The following MAMLD1 variants were observed in gnomAD, a reference collection of about 807,000 sequenced individuals.
The protein encoded by MAMLD1 is mastermind like domain containing 1, also known as mastermind-like domain-containing protein 1.
Under a neutral mutation model 45.0 loss-of-function variants are expected in MAMLD1, and 14 were observed. The ratio of observed to expected loss-of-function variants is 0.31; its 90% CI spans 0.21 to 0.49. The LOEUF (loss-of-function observed/expected upper bound fraction) is 0.49. MAMLD1 is among the 20% of genes least tolerant of loss of function. MAMLD1 has a pLI of 0.99. For missense variants in MAMLD1, 543 were observed against 603.6 expected (o/e 0.90, Z 1.05); for synonymous variants, 254 against 247.8 (o/e 1.02, Z -0.24).
At chrX:150,417,580 T>G (rs113551729) in intron 1 of MAMLD1, among the ~76,000 whole-genome samples, 16 of 109,548 alleles carry the variant, frequency 1.5e-4, no homozygotes, top group South Asian at 4.0e-4. Flanking sequence ...CTGAGGAATC[T>G]CCACACTGAC....
At chrX:150,402,025 T>C (rs2033792154) in intron 1 of MAMLD1, among the ~76,000 whole-genome samples, 1 of 111,721 alleles carries the variant, frequency 9.0e-6, no homozygotes, top group African/African-American at 3.3e-5. Context: ...GGACTTCATG[T>C]CTAAAACACC....
chrX:150,404,108 C>A (rs1173867478), intron 1 of MAMLD1, among the ~76,000 whole-genome samples: 4 of 103,894 alleles, frequency 3.9e-5, no homozygotes, highest in African/African-American at 1.4e-4. Context: ...GGCAGATCAG[C>A]CCTTCTGAGA....
chrX:150,431,268 AT>A (rs1557404047), intron 1 of MAMLD1, among the ~76,000 whole-genome samples: 1 of 111,443 alleles, frequency 9.0e-6, no homozygotes, highest in African/African-American at 3.3e-5. Context: ...TAATTTTTAT[AT>A]GTTGATCTTG....
intron 1 of MAMLD1, among the ~76,000 whole-genome samples, chrX:150,434,876 G>A (rs1224839068): frequency 2.7e-5 from 3 of 111,613 alleles, no homozygotes; most frequent in African/African-American, 9.8e-5. Context: ...TGAGAGGAAT[G>A]TATATTATGT....
At chrX:150,431,654 G>A (rs1454108053) in intron 1 of MAMLD1, among the ~76,000 whole-genome samples, 1 of 110,742 alleles carries the variant, frequency 9.0e-6, no homozygotes, top group Non-Finnish European at 1.9e-5. Context: ...ACTTGTAAGT[G>A]AGAACATGCA....
rs1491545544 is a variant in MAMLD1 at position 150,481,973 on chromosome X, A to AAAGAAAG, written c.2040+8174_2040+8180dup. Among the ~76,000 whole-genome samples, 3 of 60,737 alleles carry AAAGAAAG rather than the reference A, an allele frequency of 4.9e-5. No homozygotes were observed. In the East Asian group the frequency reaches 1.4e-3, roughly 29 times the overall value. The allele number at this position is 60,737 out of a possible 115,157, so 52.7% of individuals were successfully genotyped here. The stretch of plus-strand genomic sequence containing the variant: ...AGAAAGAAAGAAAGAAAAAAGAAAG[A>AAAGAAAG]AAGAAAGAAAGAAAGAAAGAAAGAA... On this transcript the variant is annotated intron_variant, in intron 5 of 7. Transcript: ENST00000370401.
At chrX:150,409,152 A>G (rs1349359793) in intron 1 of MAMLD1, among the ~76,000 whole-genome samples, 1 of 111,465 alleles carries the variant, frequency 9.0e-6, no homozygotes, top group Non-Finnish European at 1.9e-5. Flanking sequence ...GCCCAATGCT[A>G]TCCCCACGAG....
chrX:150,472,114 G>A (rs1557406602), intron 4 of MAMLD1, among the ~76,000 whole-genome samples: 2 of 112,013 alleles, frequency 1.8e-5, no homozygotes, highest in Admixed American at 1.9e-4. Flanking sequence ...GACAGAGCAG[G>A]AACTTGAAGC....
intron 5 of MAMLD1, among the ~76,000 whole-genome samples, chrX:150,497,437 C>A (rs1170962777): frequency 4.6e-5 from 5 of 109,047 alleles, no homozygotes; most frequent in Non-Finnish European, 7.6e-5. Flanking sequence ...GCACGCACCA[C>A]CATGCCCGGC....
At chrX:150,422,808 G>A (rs2034564274) in intron 1 of MAMLD1, among the ~76,000 whole-genome samples, 1 of 111,907 alleles carries the variant, frequency 8.9e-6, no homozygotes, top group Non-Finnish European at 1.9e-5. Flanking sequence ...AACAAAAAGG[G>A]ATTGCTGTCC....
At chrX:150,403,821 G>A (rs782679975) in intron 1 of MAMLD1, among the ~76,000 whole-genome samples, 144 of 94,402 alleles carry the variant, frequency 1.5e-3, no homozygotes, top group Middle Eastern at 0.01. Flanking sequence ...AAGGAAGAAA[G>A]AAAGAAAGAG....
chrX:150,393,399 A>G (rs1298707727), intron 1 of MAMLD1, among the ~76,000 whole-genome samples: 2 of 112,658 alleles, frequency 1.8e-5, no homozygotes, highest in African/African-American at 6.4e-5. Context: ...TAAAGCTACT[A>G]TAAATATCCA....
upstream of MAMLD1, among the ~76,000 whole-genome samples, chrX:150,363,130 C>A (rs1442886050): frequency 1.8e-5 from 2 of 112,897 alleles, no homozygotes; most frequent in South Asian, 7.2e-4. Context: ...GGCAGGGCAG[C>A]GCGGCTTCCC....
intron 1 of MAMLD1, among the ~76,000 whole-genome samples, chrX:150,394,304 G>A (rs1260316874): frequency 7.3e-5 from 8 of 108,858 alleles, no homozygotes; most frequent in Non-Finnish European, 1.5e-4. Context: ...TGATCTATTT[G>A]TATATTCTTT....
At chrX:150,453,003 G>C (rs1004138145) in intron 2 of MAMLD1, among the ~76,000 whole-genome samples, 1 of 110,860 alleles carries the variant, frequency 9.0e-6, no homozygotes, top group Non-Finnish European at 1.9e-5. Context: ...TCACTTGCAC[G>C]GTTTAGAAAT....
intron 2 of MAMLD1, among the ~76,000 whole-genome samples, chrX:150,455,489 GA>G (rs1422013891): frequency 2.1e-4 from 23 of 110,656 alleles, no homozygotes; most frequent in African/African-American, 7.3e-4. Flanking sequence ...AGTAGAAGGA[GA>G]GATCATATTT....
At chrX:150,451,705 G>A (rs2035671229) in intron 2 of MAMLD1, among the ~76,000 whole-genome samples, 1 of 109,695 alleles carries the variant, frequency 9.1e-6, no homozygotes, top group African/African-American at 3.3e-5. Flanking sequence ...CTTCCTTCCT[G>A]CCTTTCCCTT....
chrX:150,513,469 A>C lies in MAMLD1; in HGVS notation c.*1510A>C. On this transcript the variant is annotated 3_prime_UTR_variant, in exon 8 of 8. Transcript: ENST00000370401. ...AGGTGGCTGAGTCGCTTATGGTTTT[A>C]ATGCAATGAGCAATGTGGATATGAC... is the stretch of plus-strand genomic sequence containing the variant. The C allele has an allele frequency of 7.4e-6, 2 of 270,760 alleles. No individual in the cohort carries two copies. Among genetic ancestry groups the C allele is most frequent in the Non-Finnish European group, 1.3e-5 (2 of 154,510 alleles). The allele number at this position is 270,760 out of a possible 1,213,427, so 22.3% of individuals were successfully genotyped here.
chrX:150,507,358 A>G (rs1160377329), intron 6 of MAMLD1, among the ~76,000 whole-genome samples: 2 of 112,572 alleles, frequency 1.8e-5, no homozygotes, highest in East Asian at 5.6e-4. Flanking sequence ...CTTGGGGCTT[A>G]TCTTTGGAGC....
Sources: gnomAD v4.1 joint callset for allele counts (sites outside exome capture counted in the v4.1 genomes callset) on GRCh38, gnomAD v4.1.1 for gene constraint, MANE v1.5 for transcripts, NCBI Gene and HGNC (gene_info 2026-07-23, HGNC 2026-07-21) for gene names.